The following DAGLA variants were observed in gnomAD, a reference collection of about 807,000 sequenced individuals.
DAGLA encodes diacylglycerol lipase-alpha.
Under a neutral mutation model 102.6 loss-of-function variants are expected in DAGLA, and 22 were observed. The ratio of observed to expected loss-of-function variants is 0.21; its 90% CI spans 0.15 to 0.31. DAGLA has a LOEUF of 0.31. Among genes scored for constraint, DAGLA ranks in the 10% least tolerant of loss-of-function variants. DAGLA has a pLI of 1.00. For missense variants in DAGLA, 927 were observed against 1,446.6 expected (o/e 0.64, Z 5.83); for synonymous variants, 578 against 628.9 (o/e 0.92, Z 1.21).
chr11:61,698,528 G>A (rs1184951454), intron 1 of DAGLA, among the ~76,000 whole-genome samples: 1 of 152,206 alleles, frequency 6.6e-6, no homozygotes, highest in Non-Finnish European at 1.5e-5. Context: ...GTGAAGCTTG[G>A]TGCACGTAGC....
At chr11:61,733,112 C>T (rs2065390432) in intron 9 of DAGLA, among the ~76,000 whole-genome samples, 1 of 152,220 alleles carries the variant, frequency 6.6e-6, no homozygotes, top group Admixed American at 6.5e-5. Context: ...TCACACCAGC[C>T]TTGTGAAGTA....
chr11:61,721,260 G>A (rs2065280088), intron 3 of DAGLA, among the ~76,000 whole-genome samples: 1 of 152,180 alleles, frequency 6.6e-6, no homozygotes, highest in Admixed American at 6.5e-5. Flanking sequence ...CAGGTGTGGT[G>A]GCACACGCCT....
At chr11:61,742,162 C>T (rs906771761) in intron 19 of DAGLA, among the ~76,000 whole-genome samples, 4 of 152,210 alleles carry the variant, frequency 2.6e-5, no homozygotes, top group Non-Finnish European at 4.4e-5. Context: ...GACCCAGACA[C>T]ACAAGCCAGC....
chr11:61,720,041 C>G, intron 1 of DAGLA, 71 bp from the exon 2 acceptor site: 4 of 1,078,572 alleles, frequency 3.7e-6, no homozygotes, highest in Non-Finnish European at 5.5e-6. Flanking sequence ...GGTCCCGTGG[C>G]CCAAGGAATG....
Position 61,741,309 on chromosome 11 carries a change from C to T in DAGLA, c.2131C>T (p.Leu711=). The change falls in exon 19 of 20, where the codon CTG becomes TTG. Residue 711 remains leucine (L), a synonymous_variant. Transcript: ENST00000257215. ...GCCGCCCATGCCCACTGGCCTTGCC[C>T]TGGAGCTGCCGACTGCAGACCACCG... ...TGPPMPTGLA[L]ELPTADHRNS... 1.2e-6 allele frequency: 2 copies of T among 1,611,368 alleles called. No homozygotes were observed. Among genetic ancestry groups the T allele is most frequent in the East Asian group, 2.2e-5 (1 of 44,888 alleles).
intron 1 of DAGLA, among the ~76,000 whole-genome samples, chr11:61,712,051 G>C (rs887388846): frequency 2.6e-5 from 4 of 152,130 alleles, no homozygotes; most frequent in African/African-American, 9.7e-5. Flanking sequence ...ACTATTTCTG[G>C]GTCCGGCCCA....
intron 1 of DAGLA, among the ~76,000 whole-genome samples, chr11:61,697,790 A>G (rs1237154321): frequency 3.3e-5 from 5 of 152,090 alleles, no homozygotes; most frequent in Non-Finnish European, 2.9e-5. Context: ...CCTGGGCTCA[A>G]GTGATCCTCC....
rs1221656115 is a variant in DAGLA at position 61,744,337 on chromosome 11, C to G, written c.2977C>G (p.Pro993Ala). 6.2e-7 allele frequency: 1 copy of G among 1,612,670 alleles called. No homozygotes were observed. Among genetic ancestry groups the G allele is most frequent in the Admixed American group, 1.7e-5 (1 of 60,018 alleles). The change falls in exon 20 of 20, where the codon CCG (proline) becomes GCG (alanine). Residue 993 changes from proline to alanine, a missense_variant. By Grantham distance (27) the Pro-to-Ala change is conservative (BLOSUM62 -1). Around this residue, in one of 4 missense-constraint regions of DAGLA, gnomAD observed 434 missense variants for 503.3 expected, o/e 0.86. Coordinates refer to ENST00000257215, the MANE Select transcript of DAGLA (RefSeq NM_006133.3). ...SSGISLSPSFPLSSSGELMDL... is the reference protein window; with the variant it reads ...SSGISLSPSFALSSSGELMDL... The stretch of plus-strand genomic sequence containing the variant: ...GGGCATCTCACTCTCGCCCTCCTTC[C>G]CGCTCAGCTCCTCGGGTGAGCTCAT...
chr11:61,734,286 A>G lies in DAGLA; in HGVS notation c.975-563A>G, dbSNP rs1192695803. On this transcript the variant is annotated intron_variant, in intron 9 of 19. Transcript: ENST00000257215. This position sits in a 1 kb window ranked among gnomAD's most constrained non-coding sequence, Gnocchi z 4.2. ...GGGTGAGGGCTGAGGAGCCACAGAC[A>G]GTTGCAAGCCAGAGGCCAAGCCACC... Among the ~76,000 whole-genome samples, 1 of 151,884 alleles carries G rather than the reference A, an allele frequency of 6.6e-6. No homozygotes were observed. Among genetic ancestry groups the G allele is most frequent in the South Asian group, 2.1e-4 (1 of 4,814 alleles).
chr11:61,735,676 G>A (rs1253042718), intron 11 of DAGLA, 32 bp downstream of exon 11: 3 of 1,612,868 alleles, frequency 1.9e-6, no homozygotes, highest in African/African-American at 1.3e-5. Flanking sequence ...GCCCCCGGGG[G>A]TGCCTGCCTC....
chr11:61,742,699 G>C (rs1166655827), intron 19 of DAGLA, among the ~76,000 whole-genome samples: 1 of 152,110 alleles, frequency 6.6e-6, no homozygotes, highest in Non-Finnish European at 1.5e-5. Flanking sequence ...TCTGAGATTG[G>C]GGTGGAACCA....
chr11:61,737,313 G>A lies in DAGLA; in HGVS notation c.1503G>A (p.Gly501=), dbSNP rs775003996. ...AGTGCTTTGCCTACTCCCCGCCAGGGGGCCTGCTGAGGTGAGCCATCTGGG... is the reference window on the plus strand; with the variant it reads ...AGTGCTTTGCCTACTCCCCGCCAGGAGGCCTGCTGAGGTGAGCCATCTGGG... The part of the protein sequence containing the change: ...TLKCFAYSPP[G]GLLSEDAMEY... The change falls in exon 14 of 20, where the codon GGG becomes GGA. Residue 501 remains glycine, a synonymous_variant. Transcript: ENST00000257215. 5 of 1,611,160 alleles carry A rather than the reference G, an allele frequency of 3.1e-6. No individual in the cohort carries two copies. In the Admixed American group the frequency reaches 5.0e-5, roughly 16 times the overall value.
intron 8 of DAGLA, 37 bp downstream of exon 8, chr11:61,729,045 C>CATCCCT: frequency 1.3e-6 from 2 of 1,572,882 alleles, no homozygotes; most frequent in Non-Finnish European, 1.8e-6. Flanking sequence ...ACCCCGTCCC[C>CATCCCT]ATCCCTCCCA....
rs977311962 is a variant in DAGLA at position 61,743,447 on chromosome 11, G to A, written c.2172-85G>A. On this transcript the variant is annotated intron_variant, in intron 19 of 19. Coordinates refer to ENST00000257215, the MANE Select transcript of DAGLA (RefSeq NM_006133.3). ...AAATGAACTGTACCCTTTATTCCCT[G>A]CAAGTTCCTTTTAGCCAGGGAGCTG... 13 of 1,049,512 alleles carry A rather than the reference G, an allele frequency of 1.2e-5. No homozygotes were observed. In the African/African-American group the frequency reaches 1.9e-4, roughly 15 times the overall value. The allele number at this position is 1,049,512 out of a possible 1,614,324, so 65.0% of individuals were successfully genotyped here. A position where few individuals can be genotyped will look rare whatever the true frequency, so the allele number is the denominator to read the frequency against.
chr11:61,733,048 G>C (rs965191727), intron 9 of DAGLA, among the ~76,000 whole-genome samples: 20 of 152,198 alleles, frequency 1.3e-4, no homozygotes, highest in African/African-American at 4.6e-4. Flanking sequence ...GGAGCCACTC[G>C]TTATTAAGAA....
At chr11:61,720,374 C>T in intron 2 of DAGLA, 124 bp downstream of exon 2, 1 of 952,938 alleles carries the variant, frequency 1.0e-6, no homozygotes, top group African/African-American at 1.6e-5. Flanking sequence ...CCCCAGCTGC[C>T]CGGAGGAGGT....
chr11:61,697,726 C>G (rs950957478), intron 1 of DAGLA, among the ~76,000 whole-genome samples: 1 of 151,998 alleles, frequency 6.6e-6, no homozygotes, highest in Non-Finnish European at 1.5e-5. Context: ...TGTCACCCAG[C>G]CTGGAGTGCC....
At chr11:61,693,895 C>T (rs2065043974) in intron 1 of DAGLA, among the ~76,000 whole-genome samples, 1 of 152,242 alleles carries the variant, frequency 6.6e-6, no homozygotes, top group South Asian at 2.1e-4. Flanking sequence ...GCCCAGCACT[C>T]CTCCCATTTT....
At chr11:61,720,937 C>T (rs1250638999) in intron 3 of DAGLA, 47 bp downstream of exon 3, 1 of 1,551,940 alleles carries the variant, frequency 6.4e-7, no homozygotes, top group Non-Finnish European at 8.8e-7. Flanking sequence ...ACTCCCACCT[C>T]TCCATTCACT....
Sources: allele counts gnomAD v4.1 joint callset (sites outside exome capture counted in the v4.1 genomes callset), GRCh38; gene constraint gnomAD v4.1.1; regional missense constraint gnomAD v4.1.1; non-coding constraint Gnocchi (gnomAD v3.1); transcripts MANE v1.5; gene names NCBI Gene and HGNC (gene_info 2026-07-23, HGNC 2026-07-21).